The following LAMA1 variants were observed in gnomAD, a reference collection of about 807,000 sequenced individuals.
LAMA1 encodes laminin subunit alpha 1, also known as laminin subunit alpha-1.
LAMA1 carries 219 observed loss-of-function variants against 348.7 expected under a neutral mutation model. The ratio of observed to expected loss-of-function variants is 0.63; its 90% CI spans 0.56 to 0.70. The LOEUF (loss-of-function observed/expected upper bound fraction) is 0.70, where lower values mean the gene tolerates loss of function less well. Ranked by LOEUF, LAMA1 falls within the 30% of genes least tolerant of loss-of-function variation. The probability of loss-of-function intolerance (pLI) is 0.00; values close to 1 mark genes in which losing one functional copy is unlikely to be tolerated. For missense variants in LAMA1, 3,744 were observed against 3,888.0 expected (o/e 0.96, Z 0.99); for synonymous variants, 1,487 against 1,491.0 (o/e 1.00, Z 0.06).
Position 7,044,905 on chromosome 18 carries a change from T to C in LAMA1, c.859-66A>G, listed in dbSNP as rs187095136. 3 of 1,193,552 alleles carry C rather than the reference T, an allele frequency of 2.5e-6. No individual in the cohort carries two copies. In the East Asian group the frequency reaches 7.0e-5, roughly 28 times the overall value. The allele number at this position is 1,193,552 out of a possible 1,614,324, so 73.9% of individuals were successfully genotyped here. ...CTGCTTATGTTTCTTAATTTCATGGTAAAAAGAACCTATCTGTCAAATATG... is the reference window on the plus strand; with the variant it reads ...CTGCTTATGTTTCTTAATTTCATGGCAAAAAGAACCTATCTGTCAAATATG... On this transcript the variant is annotated intron_variant, in intron 6 of 62. Transcript: ENST00000389658.
chr18:6,979,557 T>G (rs1023964649), intron 42 of LAMA1, among the ~76,000 whole-genome samples: 1 of 151,990 alleles, frequency 6.6e-6, no homozygotes, highest in African/African-American at 2.4e-5. Flanking sequence ...AAAGAGAAGT[T>G]TGAGGTGCAG....
Position 6,985,251 on chromosome 18 carries a change from T to C in LAMA1, c.5646A>G (p.Ala1882=). Residue 1882 remains alanine, a synonymous_variant, in exon 39 of 63, where the codon GCA becomes GCG. Coordinates refer to ENST00000389658, the MANE Select transcript of LAMA1 (RefSeq NM_005559.4). ...EDHAAEFQRL[A]DVLYSGLENI... ...CGTGTTCCTACCTGTACAGAACATC[T>C]GCTAGTCTCTGGAACTCAGCGGCAT... 3 of 1,614,150 alleles carry C rather than the reference T, an allele frequency of 1.9e-6. No homozygotes were observed. Among genetic ancestry groups the C allele is most frequent in the Non-Finnish European group, 1.7e-6 (2 of 1,180,004 alleles).
intron 57 of LAMA1, among the ~76,000 whole-genome samples, chr18:6,951,891 G>C (rs531101553): frequency 6.6e-6 from 1 of 152,236 alleles, no homozygotes; most frequent in South Asian, 2.1e-4. Context: ...GATTGTGCCC[G>C]CGGCAACGGC....
chr18:6,972,025 C>A (rs759017428), intron 47 of LAMA1, 44 bp from the exon 48 acceptor site: 56 of 1,609,568 alleles, frequency 3.5e-5, no homozygotes, highest in Non-Finnish European at 4.7e-5. Flanking sequence ...TATAAGCTGA[C>A]CAAGCAAAAT....
chr18:7,106,963 G>A lies in LAMA1; in HGVS notation c.61+10697C>T, dbSNP rs114991909. Among the ~76,000 whole-genome samples, 490 of 152,066 alleles carry A rather than the reference G, an allele frequency of 3.2e-3. 3 individuals carry two copies. Among genetic ancestry groups the A allele is most frequent in the African/African-American group, 0.011 (465 of 41,478 alleles). ...ATAAAGCAGCCAGCCAGTGCTGCAC[G>A]CCTCTGCCCCTCCTCCCCCGCTTTC... On this transcript the variant is annotated intron_variant, in intron 1 of 62. Transcript: ENST00000389658.
intron 1 of LAMA1, among the ~76,000 whole-genome samples, chr18:7,109,734 G>A (rs748046188): frequency 6.6e-6 from 1 of 152,180 alleles, no homozygotes; most frequent in Non-Finnish European, 1.5e-5. Flanking sequence ...AGAAGGGCGG[G>A]GTGACTGAAC....
intron 62 of LAMA1, 45 bp from the exon 63 acceptor site, chr18:6,942,284 A>G: frequency 1.9e-6 from 3 of 1,606,236 alleles, no homozygotes; most frequent in Non-Finnish European, 2.6e-6. Context: ...AATTTTGTTG[A>G]AATGCGATCC....
At chr18:7,093,969 G>T (rs867467800) in intron 1 of LAMA1, among the ~76,000 whole-genome samples, 1 of 151,750 alleles carries the variant, frequency 6.6e-6, no homozygotes, top group Non-Finnish European at 1.5e-5. Context: ...TAGAGACAGG[G>T]TTTTGCCACG....
intron 1 of LAMA1, among the ~76,000 whole-genome samples, chr18:7,091,694 G>C (rs926530810): frequency 6.6e-6 from 1 of 152,194 alleles, no homozygotes; most frequent in Non-Finnish European, 1.5e-5. Flanking sequence ...TTTTCGTTTA[G>C]TGCTATGCTG....
intron 51 of LAMA1, 128 bp from the exon 52 acceptor site, chr18:6,962,187 T>C (rs1391503125): frequency 1.4e-6 from 1 of 727,102 alleles, no homozygotes; most frequent in Non-Finnish European, 2.5e-6. Context: ...TTTGGAAGGC[T>C]GAGGTAGAAG....
intron 3 of LAMA1, among the ~76,000 whole-genome samples, chr18:7,056,596 TG>T (rs1251967971): frequency 6.6e-6 from 1 of 152,164 alleles, no homozygotes; most frequent in African/African-American, 2.4e-5. Context: ...TCAGCCACCC[TG>T]CGTGCTGCCT....
intron 1 of LAMA1, among the ~76,000 whole-genome samples, chr18:7,092,512 C>A (rs1473505374): frequency 6.6e-6 from 1 of 151,776 alleles, no homozygotes; most frequent in Non-Finnish European, 1.5e-5. Flanking sequence ...GTAGTCGCCG[C>A]TACTCGGGAG....
intron 3 of LAMA1, among the ~76,000 whole-genome samples, chr18:7,063,002 C>G (rs1429953137): frequency 3.3e-5 from 5 of 152,154 alleles, no homozygotes; most frequent in Non-Finnish European, 2.9e-5. Flanking sequence ...CCTCTAAAAT[C>G]CAACAGGTGA....
At chr18:7,088,187 A>G (rs958721074) in intron 1 of LAMA1, among the ~76,000 whole-genome samples, 1 of 152,164 alleles carries the variant, frequency 6.6e-6, no homozygotes, top group African/African-American at 2.4e-5. Flanking sequence ...TCGTCAAGGC[A>G]TGGCCTCATA....
At chr18:6,972,671 C>T (rs1181232579) in intron 47 of LAMA1, among the ~76,000 whole-genome samples, 2 of 152,178 alleles carry the variant, frequency 1.3e-5, no homozygotes, top group Non-Finnish European at 2.9e-5. Flanking sequence ...ATATATTCAA[C>T]CATCTAAACA....
intron 34 of LAMA1, among the ~76,000 whole-genome samples, chr18:6,994,478 C>T (rs1025328697): frequency 3.3e-5 from 5 of 152,146 alleles, no homozygotes; most frequent in African/African-American, 4.8e-5. Flanking sequence ...TTATTTTAAT[C>T]AGCCTATTTC....
intron 19 of LAMA1, 76 bp from the exon 20 acceptor site, chr18:7,017,460 G>GA (rs11420876): frequency 0.27 from 218,855 of 822,064 alleles, 19,571 homozygotes; most frequent in African/African-American, 0.42. Context: ...ATCCCCAAAG[G>GA]AAAAAAAAAA....
intron 1 of LAMA1, among the ~76,000 whole-genome samples, chr18:7,093,260 T>TA (rs2058247077): frequency 6.6e-6 from 1 of 151,754 alleles, no homozygotes; most frequent in African/African-American, 2.4e-5. Context: ...ACTAAAAATA[T>TA]AAAAAATTAG....
At chr18:6,977,982 C>G in intron 43 of LAMA1, 101 bp from the exon 44 acceptor site, 1 of 1,365,698 alleles carries the variant, frequency 7.3e-7, no homozygotes, top group Non-Finnish European at 1.0e-6. Context: ...AAACAACACC[C>G]TAACAATCAA....
Sources: gnomAD v4.1 joint callset for allele counts (sites outside exome capture counted in the v4.1 genomes callset) on GRCh38, gnomAD v4.1.1 for gene constraint, MANE v1.5 for transcripts, NCBI Gene and HGNC (gene_info 2026-07-23, HGNC 2026-07-21) for gene names.